GPC6: variants seen among roughly 807,000 people sequenced by gnomAD.
GPC6 encodes glypican-6.
Under a neutral mutation model 55.2 loss-of-function variants are expected in GPC6, and 14 were observed. The observed-to-expected ratio is 0.25, with a 90% CI of 0.17 to 0.40. The LOEUF (loss-of-function observed/expected upper bound fraction) is 0.40. Among genes scored for constraint, GPC6 ranks in the 10% least tolerant of loss-of-function variants. GPC6 has a pLI of 1.00. For missense variants in GPC6, 641 were observed against 708.5 expected (o/e 0.90, Z 1.08); for synonymous variants, 278 against 259.6 (o/e 1.07, Z -0.68).
At chr13:93,710,353 G>T (rs1412979685) in intron 2 of GPC6, among the ~76,000 whole-genome samples, 2 of 151,740 alleles carry the variant, frequency 1.3e-5, no homozygotes, top group Non-Finnish European at 2.9e-5. Flanking sequence ...TGACCCAAGG[G>T]TATCTTGGTA....
intron 2 of GPC6, among the ~76,000 whole-genome samples, chr13:93,605,304 G>A (rs1448333724): frequency 3.3e-5 from 5 of 152,142 alleles, no homozygotes. Flanking sequence ...TAAGTTACTG[G>A]TTAGAGGAAA....
At chr13:94,059,176 T>C (rs528765484) in intron 4 of GPC6, among the ~76,000 whole-genome samples, 66 of 152,262 alleles carry the variant, frequency 4.3e-4, no homozygotes, top group Non-Finnish European at 8.8e-4. Flanking sequence ...TGTTGTTCAC[T>C]TACTCACACA....
At chr13:93,859,261 A>T (rs1054886293) in intron 3 of GPC6, among the ~76,000 whole-genome samples, 2 of 151,640 alleles carry the variant, frequency 1.3e-5, no homozygotes, top group African/African-American at 4.8e-5. Context: ...GTATCCACGT[A>T]CCATTTTCTT....
intron 2 of GPC6, among the ~76,000 whole-genome samples, chr13:93,727,875 A>T (rs1374688104): frequency 6.6e-6 from 1 of 152,072 alleles, no homozygotes; most frequent in Non-Finnish European, 1.5e-5. Context: ...TCGCTGCTAA[A>T]CATTCCTAAC....
At chr13:94,037,251 T>C (rs889629225) in intron 4 of GPC6, among the ~76,000 whole-genome samples, 2 of 151,964 alleles carry the variant, frequency 1.3e-5, no homozygotes, top group African/African-American at 4.8e-5. Flanking sequence ...ATTAAATCCC[T>C]GTGGCTGAAT....
Position 94,005,773 on chromosome 13 carries a change from C to T in GPC6, c.712-21956C>T, listed in dbSNP as rs116364802. On this transcript the variant is annotated intron_variant, in intron 3 of 8. Transcript: ENST00000377047. ...TTATTTTATTCCCATCCCGTTCCAT[C>T]TGGCTTATCTCCTTCTGCCTCTTCT... Among the ~76,000 whole-genome samples the T allele has an allele frequency of 3.9e-3, 592 of 152,312 alleles. 5 individuals carry two copies. The highest frequency in any genetic ancestry group is 0.014 in the African/African-American group (567 of 41,562).
chr13:93,643,997 G>C (rs1414230227), intron 2 of GPC6, among the ~76,000 whole-genome samples: 1 of 151,992 alleles, frequency 6.6e-6, no homozygotes, highest in Non-Finnish European at 1.5e-5. Context: ...TAATGATTCT[G>C]ATGTCCTTGT....
intron 3 of GPC6, among the ~76,000 whole-genome samples, chr13:93,890,978 T>C (rs1875648936): frequency 6.6e-6 from 1 of 152,036 alleles, no homozygotes; most frequent in South Asian, 2.1e-4. Flanking sequence ...CCTGTAACAC[T>C]AGCGAGACAT....
chr13:93,650,491 G>A (rs1158099805), intron 2 of GPC6, among the ~76,000 whole-genome samples: 2 of 85,414 alleles, frequency 2.3e-5, no homozygotes, highest in Non-Finnish European at 5.8e-5. Context: ...AGTCAAAGCT[G>A]CGAACTGAAA....
chr13:93,357,718 C>T (rs1216794339), intron 1 of GPC6, among the ~76,000 whole-genome samples: 1 of 152,110 alleles, frequency 6.6e-6, no homozygotes, highest in East Asian at 1.9e-4. Flanking sequence ...GCCTGTGGTC[C>T]CAGCTACTCA....
chr13:93,512,232 G>A (rs549324350), intron 1 of GPC6, among the ~76,000 whole-genome samples: 54 of 152,160 alleles, frequency 3.5e-4, no homozygotes, highest in African/African-American at 1.2e-3. Context: ...AGTAGTGAAA[G>A]TGAGCATCCT....
At chr13:94,190,884 G>T (rs970684352) in intron 4 of GPC6, among the ~76,000 whole-genome samples, 1 of 152,048 alleles carries the variant, frequency 6.6e-6, no homozygotes, top group African/African-American at 2.4e-5. Context: ...AGTAGTATAA[G>T]TGATACATAT....
At chr13:93,359,415 T>TC (rs1487461175) in intron 1 of GPC6, among the ~76,000 whole-genome samples, 2 of 152,214 alleles carry the variant, frequency 1.3e-5, no homozygotes, top group African/African-American at 4.8e-5. Flanking sequence ...TAAAATGGGA[T>TC]AATCGTACAT....
At chr13:93,363,117 G>GTTTTTTTTTTTTTGT (rs199840187) in intron 1 of GPC6, among the ~76,000 whole-genome samples, 1 of 126,012 alleles carries the variant, frequency 7.9e-6, no homozygotes, top group Non-Finnish European at 1.7e-5. Flanking sequence ...CTTTTTTTTT[G>GTTTTTTTTTTTTTGT]TTTTTTTTTT....
chr13:94,029,878 T>C (rs532863692), intron 4 of GPC6, among the ~76,000 whole-genome samples: 1 of 152,240 alleles, frequency 6.6e-6, no homozygotes, highest in African/African-American at 2.4e-5. Context: ...TGAAATGGAA[T>C]GTCTGGAAAA....
intron 3 of GPC6, among the ~76,000 whole-genome samples, chr13:93,849,471 C>G (rs1017599304): frequency 2.0e-5 from 3 of 152,048 alleles, no homozygotes; most frequent in African/African-American, 7.2e-5. Flanking sequence ...AGATGAATGA[C>G]TGAATATAAG....
At chr13:93,969,350 C>A (rs945937) in intron 3 of GPC6, among the ~76,000 whole-genome samples, 35,306 of 152,036 alleles carry the variant, frequency 0.23, 4,672 homozygotes, top group East Asian at 0.39. Flanking sequence ...CCCTCACTAT[C>A]CCTGGAAGTA....
chr13:93,904,925 C>A, intron 3 of GPC6, among the ~76,000 whole-genome samples: 1 of 122,900 alleles, frequency 8.1e-6, no homozygotes, highest in African/African-American at 3.1e-5. Context: ...ATCCCTTCCC[C>A]CTCCCCCCAC....
At chr13:93,954,516 A>C (rs1340349726) in intron 3 of GPC6, among the ~76,000 whole-genome samples, 1 of 152,126 alleles carries the variant, frequency 6.6e-6, no homozygotes, top group Non-Finnish European at 1.5e-5. Context: ...CATGTGGCCC[A>C]GGCTCACAAT....
Sources: allele counts gnomAD v4.1 joint callset (sites outside exome capture counted in the v4.1 genomes callset), GRCh38; gene constraint gnomAD v4.1.1; transcripts MANE v1.5; gene names NCBI Gene and HGNC (gene_info 2026-07-23, HGNC 2026-07-21).